DLGAP2: variants seen among roughly 807,000 people sequenced by gnomAD.
The protein encoded by DLGAP2 is disks large-associated protein 2.
Under a neutral mutation model 100.3 loss-of-function variants are expected in DLGAP2, and 26 were observed. The ratio of observed to expected loss-of-function variants is 0.26; its 90% CI spans 0.19 to 0.36. The LOEUF is 0.36. Ranked by LOEUF, DLGAP2 falls within the 10% of genes least tolerant of loss-of-function variation. The pLI, the probability that DLGAP2 is intolerant of heterozygous loss-of-function variation, is 1.00. For missense variants in DLGAP2, 1,858 were observed against 1,453.2 expected, an observed-to-expected ratio of 1.28 and a Z score of -4.53; for synonymous variants, 886 against 630.1, an observed-to-expected ratio of 1.41 and a Z score of -6.08.
intron 3 of DLGAP2, among the ~76,000 whole-genome samples, chr8:1,353,047 A>G (rs1801771045): frequency 6.6e-6 from 1 of 152,208 alleles, no homozygotes; most frequent in African/African-American, 2.4e-5. Flanking sequence ...AATGTCCTGA[A>G]CTGGCATGAG....
intron 2 of DLGAP2, among the ~76,000 whole-genome samples, chr8:1,210,027 G>A (rs553085750): frequency 1.4e-3 from 219 of 152,166 alleles, no homozygotes; most frequent in Non-Finnish European, 2.5e-3. Context: ...ATGGTGCTCA[G>A]TCATCCACCT....
chr8:1,427,536 C>T (rs1359743078), intron 3 of DLGAP2, among the ~76,000 whole-genome samples: 3 of 152,184 alleles, frequency 2.0e-5, no homozygotes, highest in African/African-American at 4.8e-5. Context: ...GGCTGTGTCC[C>T]TACCCAAATC....
intron 2 of DLGAP2, among the ~76,000 whole-genome samples, chr8:1,249,328 C>T (rs56225243): frequency 0.082 from 12,512 of 152,108 alleles, 1,666 homozygotes; most frequent in African/African-American, 0.28. Context: ...CGTCTCAGGG[C>T]CCCTCATTTG....
At chr8:1,542,951 C>T (rs1011935543) in intron 4 of DLGAP2, among the ~76,000 whole-genome samples, 2 of 152,166 alleles carry the variant, frequency 1.3e-5, no homozygotes, top group African/African-American at 4.8e-5. Context: ...ATTTCATTTC[C>T]CTACTGGTGA....
chr8:1,201,765 ATCAC>A (rs1797879019), intron 2 of DLGAP2, among the ~76,000 whole-genome samples: 2 of 152,168 alleles, frequency 1.3e-5, no homozygotes, highest in African/African-American at 4.8e-5. Context: ...GCCCTCCCTC[ATCAC>A]CAGGCAGCAT....
chr8:1,571,617 GGA>G (rs1344599296), intron 6 of DLGAP2, among the ~76,000 whole-genome samples: 3 of 137,872 alleles, frequency 2.2e-5, no homozygotes, highest in Non-Finnish European at 3.1e-5. Flanking sequence ...GGGACGGAGA[GGA>G]GAGAGGGGGT....
chr8:1,427,790 C>T (rs141386800), intron 3 of DLGAP2, among the ~76,000 whole-genome samples: 67 of 152,258 alleles, frequency 4.4e-4, no homozygotes, highest in African/African-American at 1.3e-3. Flanking sequence ...TACATGGAAC[C>T]GTAAGTCCAA....
At chr8:1,657,710 T>C (rs1202395892) in intron 8 of DLGAP2, among the ~76,000 whole-genome samples, 1 of 152,248 alleles carries the variant, frequency 6.6e-6, no homozygotes, top group Non-Finnish European at 1.5e-5. Context: ...AGAAATCATT[T>C]CTTAATGTTA....
At chr8:1,047,689 A>G (rs1309713855) in intron 2 of DLGAP2, among the ~76,000 whole-genome samples, 2 of 151,942 alleles carry the variant, frequency 1.3e-5, no homozygotes, top group African/African-American at 4.8e-5. Flanking sequence ...TGTGTCCCAC[A>G]GAAGGCCAAG....
intron 3 of DLGAP2, among the ~76,000 whole-genome samples, chr8:1,269,701 C>A (rs938084716): frequency 6.6e-6 from 1 of 152,024 alleles, no homozygotes. Context: ...CTGTGCACCC[C>A]CCTCCCCCAG....
chr8:1,039,201 G>A (rs1802222756), intron 2 of DLGAP2, among the ~76,000 whole-genome samples: 1 of 151,460 alleles, frequency 6.6e-6, no homozygotes, highest in African/African-American at 2.4e-5. Flanking sequence ...TCCGTGGTCA[G>A]CTCGGTGTGC....
At chr8:856,755 T>C (rs1797286420) in intron 1 of DLGAP2, among the ~76,000 whole-genome samples, 2 of 152,220 alleles carry the variant, frequency 1.3e-5, no homozygotes, top group Non-Finnish European at 2.9e-5. Context: ...AGGCACCCCA[T>C]ATCCCTGGAC....
At chr8:1,083,211 G>C (rs950594859) in intron 2 of DLGAP2, among the ~76,000 whole-genome samples, 1 of 152,124 alleles carries the variant, frequency 6.6e-6, no homozygotes, top group East Asian at 1.9e-4. Context: ...CAGGGGCATC[G>C]CGTAACACAA....
At chr8:1,431,404 G>A (rs767804277) in intron 3 of DLGAP2, among the ~76,000 whole-genome samples, 10 of 152,242 alleles carry the variant, frequency 6.6e-5, no homozygotes, top group Non-Finnish European at 1.3e-4. Context: ...AACCTACTGG[G>A]CGTCAGCACT....
At chr8:1,592,405 G>T (rs567099794) in intron 6 of DLGAP2, among the ~76,000 whole-genome samples, 1 of 151,934 alleles carries the variant, frequency 6.6e-6, no homozygotes, top group African/African-American at 2.4e-5. Flanking sequence ...TGTGCCTCTG[G>T]CCCCCTTGAC....
chr8:1,133,998 C>G (rs1490636004), intron 2 of DLGAP2, among the ~76,000 whole-genome samples: 1 of 152,080 alleles, frequency 6.6e-6, no homozygotes, highest in African/African-American at 2.4e-5. Context: ...CCCCTCCTCC[C>G]CCCTCCACCT....
Position 1,683,388 on chromosome 8 carries a change from A to G in DLGAP2, c.2704+4759A>G, listed in dbSNP as rs1799009246. On this transcript the variant is annotated intron_variant, in intron 12 of 14. Transcript: ENST00000637795. ...CTCCTTCCTCTGGAGGAAGATCTTC[A>G]TGTCAGCACTGCCCTTCATCCTGCC... Among the ~76,000 whole-genome samples the G allele has an allele frequency of 1.3e-5, 2 of 151,470 alleles. 1 individual carries two copies. Among genetic ancestry groups the G allele is most frequent in the Non-Finnish European group, 3.0e-5 (2 of 67,680 alleles).
intron 1 of DLGAP2, among the ~76,000 whole-genome samples, chr8:809,409 A>C (rs1306758264): frequency 6.6e-6 from 1 of 151,598 alleles, no homozygotes; most frequent in East Asian, 1.9e-4. Context: ...ACTGCTAAGA[A>C]AATACGTCAT....
chr8:1,193,801 C>A (rs903289010), intron 2 of DLGAP2, among the ~76,000 whole-genome samples: 5 of 152,044 alleles, frequency 3.3e-5, no homozygotes, highest in African/African-American at 1.2e-4. Context: ...ATGCCCCCTG[C>A]AGCCAGCACC....
Sources: allele counts gnomAD v4.1 joint callset (sites outside exome capture counted in the v4.1 genomes callset), GRCh38; gene constraint gnomAD v4.1.1; transcripts MANE v1.5; gene names NCBI Gene and HGNC (gene_info 2026-07-23, HGNC 2026-07-21).